Variants in TMEM177 observed in about 807,000 individuals in gnomAD.
TMEM177 encodes transmembrane protein 177.
In TMEM177, 4 loss-of-function variants were observed where a neutral mutation model predicts 14.2. The ratio of observed to expected loss-of-function variants is 0.28; its 90% CI spans 0.14 to 0.64. TMEM177 has a LOEUF of 0.64. TMEM177 is among the 30% of genes least tolerant of loss of function. TMEM177 has a pLI of 0.82. For synonymous variants in TMEM177, 179 were observed against 174.5 expected (o/e 1.03, Z -0.20); for missense variants, 344 against 405.2 (o/e 0.85, Z 1.30).
At chr2:119,699,817 C>A in the TMEM177 span, 2 of 362,414 alleles carry the variant, frequency 5.5e-6, no homozygotes, top group Non-Finnish European at 1.1e-5. Flanking sequence ...TGGTAGTGCC[C>A]AGGCCAAGAA....
chr2:119,701,766 A>C, the TMEM177 span, among the ~76,000 whole-genome samples: 1 of 152,198 alleles, frequency 6.6e-6, no homozygotes, highest in Non-Finnish European at 1.5e-5. Flanking sequence ...ATTATTACTA[A>C]AATCAGAGTT....
chr2:119,709,462 G>A, the TMEM177 span, among the ~76,000 whole-genome samples: 1 of 152,264 alleles, frequency 6.6e-6, no homozygotes, highest in East Asian at 1.9e-4. Flanking sequence ...GATCACTTGA[G>A]CCCAGGAGTC....
chr2:119,694,110 TACC>T, the TMEM177 span, among the ~76,000 whole-genome samples: 1 of 19,806 alleles, frequency 5.0e-5, no homozygotes, highest in African/African-American at 2.0e-4. Context: ...CACAAACACA[TACC>T]ACATGCACCA....
chr2:119,683,185 CTG>C (rs1688946256), downstream of TMEM177, among the ~76,000 whole-genome samples: 1 of 152,350 alleles, frequency 6.6e-6, no homozygotes. Context: ...GGGCCCCTCA[CTG>C]TGGGCTGGAG....
the TMEM177 span, among the ~76,000 whole-genome samples, chr2:119,715,401 A>G: frequency 1.3e-5 from 2 of 151,906 alleles, no homozygotes; most frequent in African/African-American, 4.8e-5. Flanking sequence ...CAGAGAGAAA[A>G]AGAGAGAGAG....
chr2:119,691,909 C>T, the TMEM177 span, among the ~76,000 whole-genome samples: 2 of 152,218 alleles, frequency 1.3e-5, no homozygotes, highest in East Asian at 1.9e-4. Context: ...GGTCCGGAGC[C>T]ACGTGCCCAC....
downstream of TMEM177, among the ~76,000 whole-genome samples, chr2:119,688,549 G>A (rs1558691461): frequency 6.6e-6 from 1 of 152,150 alleles, no homozygotes; most frequent in Non-Finnish European, 1.5e-5. Flanking sequence ...TAGCTGTAAC[G>A]CAATGGTGAG....
At chr2:119,679,498 C>A (rs1411025905) in intron 1 of TMEM177, 1 of 151,788 alleles carries the variant, frequency 6.6e-6, no homozygotes, top group Non-Finnish European at 1.5e-5. Flanking sequence ...AAAAAAAAAG[C>A]CCGAATGATA....
At chr2:119,708,330 G>C in the TMEM177 span, among the ~76,000 whole-genome samples, 2 of 152,010 alleles carry the variant, frequency 1.3e-5, no homozygotes, top group Admixed American at 6.6e-5. Flanking sequence ...AAAATCTCAG[G>C]CATCATAATG....
At chr2:119,695,661 A>G in the TMEM177 span, among the ~76,000 whole-genome samples, 1 of 152,270 alleles carries the variant, frequency 6.6e-6, no homozygotes, top group African/African-American at 2.4e-5. Flanking sequence ...GCCACAGCGC[A>G]AGGCTCTGGG....
At chr2:119,711,455 G>T in the TMEM177 span, among the ~76,000 whole-genome samples, 2 of 152,106 alleles carry the variant, frequency 1.3e-5, no homozygotes. Flanking sequence ...CCCCTGGCAC[G>T]TAGGCAGTCA....
chr2:119,687,458 C>T (rs1363271355), downstream of TMEM177, among the ~76,000 whole-genome samples: 2 of 152,172 alleles, frequency 1.3e-5, no homozygotes, highest in East Asian at 3.8e-4. Context: ...AGGAAACTTA[C>T]AATCATGGCA....
At chr2:119,697,882 A>T in the TMEM177 span, among the ~76,000 whole-genome samples, 4 of 152,372 alleles carry the variant, frequency 2.6e-5, no homozygotes, top group Admixed American at 2.6e-4. Flanking sequence ...ACAAAATATG[A>T]GGCTCAAAGA....
At chr2:119,682,857 G>A (rs995344341), downstream of TMEM177, among the ~76,000 whole-genome samples, 1 of 152,176 alleles carries the variant, frequency 6.6e-6, no homozygotes, top group African/African-American at 2.4e-5. Context: ...GAGGTGGGCA[G>A]TGGGTTAGGC....
rs1230097428 is a variant in TMEM177 at position 119,681,665 on chromosome 2, T to G, written c.812T>G (p.Leu271Arg). The change falls in exon 2 of 2, where the codon CTG becomes CGG. Residue 271 changes from leucine to arginine, a missense_variant. By Grantham distance (102) the Leu-to-Arg change is moderately radical. Coordinates refer to ENST00000272521, the MANE Select transcript of TMEM177 (RefSeq NM_030577.3). ...CTCTTGGGCAAAGACGGGGAGAAGC[T>G]GTATACACCCAGCGGGAACATCGTC... is the stretch of plus-strand genomic sequence containing the variant. ...RSLLGKDGEK[L>R]YTPSGNIVPR... The G allele has an allele frequency of 4.3e-6, 7 of 1,614,092 alleles. No homozygotes were observed. Among genetic ancestry groups the G allele is most frequent in the Non-Finnish European group, 5.9e-6 (7 of 1,180,048 alleles).
the TMEM177 span, among the ~76,000 whole-genome samples, chr2:119,695,336 C>T: frequency 3.3e-5 from 5 of 152,214 alleles, no homozygotes; most frequent in African/African-American, 7.2e-5. Flanking sequence ...CTTGTGGTTA[C>T]GAGCCCTCCC....
chr2:119,680,619 T>C (rs551064616), intron 1 of TMEM177, among the ~76,000 whole-genome samples: 11 of 152,138 alleles, frequency 7.2e-5, no homozygotes, highest in Non-Finnish European at 1.6e-4. Flanking sequence ...ACCCTAGAGG[T>C]GGGCCATTAC....
the TMEM177 span, among the ~76,000 whole-genome samples, chr2:119,697,830 G>C: frequency 1.3e-5 from 2 of 152,124 alleles, no homozygotes; most frequent in African/African-American, 2.4e-5. Context: ...ACAGATTAAA[G>C]GCATGCAAAT....
the TMEM177 span, among the ~76,000 whole-genome samples, chr2:119,707,275 A>G: frequency 6.6e-6 from 1 of 152,186 alleles, no homozygotes; most frequent in Non-Finnish European, 1.5e-5. Flanking sequence ...TCACGTGATC[A>G]TCAGTAACCC....
Sources: gnomAD v4.1 joint callset for allele counts (sites outside exome capture counted in the v4.1 genomes callset) on GRCh38, gnomAD v4.1.1 for gene constraint, MANE v1.5 for transcripts, NCBI Gene and HGNC (gene_info 2026-07-23, HGNC 2026-07-21) for gene names.